Variants in ERI3 observed in about 807,000 individuals in gnomAD.
ERI3 encodes the protein ERI1 exoribonuclease family member 3, also known as ERI1 exoribonuclease 3.
Under a neutral mutation model 44.4 loss-of-function variants are expected in ERI3, and 18 were observed. The observed-to-expected ratio is 0.41, with a 90% CI of 0.28 to 0.60. The LOEUF (loss-of-function observed/expected upper bound fraction) is 0.60. Among genes scored for constraint, ERI3 ranks in the 20% least tolerant of loss-of-function variants. The pLI is 0.36. For synonymous variants in ERI3, 183 were observed against 164.8 expected (o/e 1.11, Z -0.84); for missense variants, 294 against 435.5 (o/e 0.68, Z 2.89).
At chr1:44,298,766 A>AAACT (rs1645663023) in intron 6 of ERI3, among the ~76,000 whole-genome samples, 2 of 152,134 alleles carry the variant, frequency 1.3e-5, no homozygotes, top group Non-Finnish European at 2.9e-5. Flanking sequence ...AAAAATACAA[A>AAACT]AACTAGCTGG....
chr1:44,228,015 C>T lies in ERI3; in HGVS notation c.932-6375G>A, dbSNP rs1321169794. 6.6e-6 allele frequency among the ~76,000 whole-genome samples: 1 copy of T among 152,060 alleles called. No homozygotes were observed. The highest frequency in any genetic ancestry group is 1.5e-5 in the Non-Finnish European group (1 of 68,012). On this transcript the variant is annotated intron_variant, in intron 8 of 8. Coordinates refer to ENST00000372257, the MANE Select transcript of ERI3 (RefSeq NM_024066.3). The surrounding 1 kb of genome is among the most constrained non-coding windows in gnomAD (Gnocchi z 4.3). Reference sequence around the variant, plus strand: ...ACATCTAAAAATAATGTTATTCCAACAATAAATTCCTGATATCCCCACCCC... The same window carrying T: ...ACATCTAAAAATAATGTTATTCCAATAATAAATTCCTGATATCCCCACCCC...
chr1:44,347,043 CAT>C (rs1646799102), intron 2 of ERI3, among the ~76,000 whole-genome samples: 1 of 152,128 alleles, frequency 6.6e-6, no homozygotes, highest in South Asian at 2.1e-4. Context: ...GCATATCACA[CAT>C]GAGGAAACTA....
chr1:44,248,083 G>A (rs1008015338), intron 7 of ERI3, 45 bp from the exon 8 acceptor site: 10 of 1,409,778 alleles, frequency 7.1e-6, no homozygotes, highest in Non-Finnish European at 9.9e-6. Context: ...CTGACCCTCT[G>A]AACCAACCCC....
chr1:44,264,458 A>G (rs1347103166), intron 7 of ERI3, among the ~76,000 whole-genome samples: 1 of 152,246 alleles, frequency 6.6e-6, no homozygotes, highest in African/African-American at 2.4e-5. Flanking sequence ...CTGAATTTTC[A>G]GGACAATTAC....
chr1:44,284,909 T>C lies in ERI3; in HGVS notation c.759-2A>G. On this transcript the variant is annotated splice_acceptor_variant, in intron 6 of 8. Transcript: ENST00000372257. LOFTEE classifies it high-confidence loss of function. ...AAGTACTGGCACTGGCCTGGGAGCC[T>C]ACAAAAAAAAGGGAAGAGAGAACAA... 6.2e-7 allele frequency: 1 copy of C among 1,612,682 alleles called. No homozygotes were observed. The highest frequency in any genetic ancestry group is 8.5e-7 in the Non-Finnish European group (1 of 1,179,428).
intron 8 of ERI3, among the ~76,000 whole-genome samples, chr1:44,226,703 G>A (rs1644047750): frequency 6.6e-6 from 1 of 151,246 alleles, no homozygotes; most frequent in Non-Finnish European, 1.5e-5. Flanking sequence ...ATATTCCTAT[G>A]GGACATCTAA....
intron 3 of ERI3, among the ~76,000 whole-genome samples, chr1:44,326,607 C>T (rs1405777825): frequency 6.6e-6 from 1 of 152,148 alleles, no homozygotes; most frequent in Non-Finnish European, 1.5e-5. Flanking sequence ...TCGATTTGTC[C>T]GGACTTGTTT....
intron 1 of ERI3, chr1:44,353,638 G>A (rs1266378334): frequency 1.1e-4 from 112 of 985,200 alleles, no homozygotes; most frequent in Non-Finnish European, 1.3e-4. Flanking sequence ...CCACCACAAA[G>A]AAAACACTTT....
At position 44,352,872 on chromosome 1, in the gene ERI3, A is replaced by G. The variant is rs1253194499; in HGVS notation, c.189T>C (p.Leu63=). The G allele has an allele frequency of 1.2e-6, 2 of 1,614,170 alleles. No homozygotes were observed. The highest frequency in any genetic ancestry group is 1.7e-6 in the Non-Finnish European group (2 of 1,180,018). Residue 63 remains leucine (L), a synonymous_variant, in exon 2 of 9, where the codon CTT becomes CTC. Transcript: ENST00000372257. The part of the protein sequence containing the change: ...TEPSASPAAG[L]GIFEVRRVLD... ...CACCTCTCCTTACTTCGAAGATGCC[A>G]AGACCGGCAGCTGGGGATGCTGAAG...
At chr1:44,350,223 A>T (rs566769438) in intron 2 of ERI3, among the ~76,000 whole-genome samples, 6 of 152,156 alleles carry the variant, frequency 3.9e-5, no homozygotes, top group African/African-American at 1.4e-4. Context: ...GGCTCCGTTT[A>T]TTCCATACTT....
Position 44,221,944 on chromosome 1 carries a change from G to A in ERI3, c.932-304C>T, listed in dbSNP as rs898797135. Among the ~76,000 whole-genome samples, 8 of 152,240 alleles carry A rather than the reference G, an allele frequency of 5.3e-5. No homozygotes were observed. The highest frequency in any genetic ancestry group is 1.9e-4 in the African/African-American group (8 of 41,462). On this transcript the variant is annotated intron_variant, in intron 8 of 8. Transcript: ENST00000372257. The surrounding 1 kb of genome is among the most constrained non-coding windows in gnomAD (Gnocchi z 5.9). ...GCCGTCGCAGTAAGAAAAAGGCAGA[G>A]TAAATGTGTAATTTCTCCCTTGACG...
At chr1:44,261,017 C>A (rs980134117) in intron 7 of ERI3, among the ~76,000 whole-genome samples, 1 of 152,194 alleles carries the variant, frequency 6.6e-6, no homozygotes, top group African/African-American at 2.4e-5. Context: ...CACTCCCTGA[C>A]CCCTGACATC....
intron 8 of ERI3, among the ~76,000 whole-genome samples, chr1:44,236,580 G>A (rs79689352): frequency 0.012 from 1,839 of 152,112 alleles, 70 homozygotes; most frequent in East Asian, 0.069. Context: ...TGGGGCTCTG[G>A]GGGAAAATAA....
At chr1:44,258,353 C>T (rs1306908150) in intron 7 of ERI3, among the ~76,000 whole-genome samples, 1 of 152,178 alleles carries the variant, frequency 6.6e-6, no homozygotes, top group Non-Finnish European at 1.5e-5. Flanking sequence ...CCACCACCAC[C>T]CACCCAGCCA....
At chr1:44,303,642 C>T (rs1054875981) in intron 6 of ERI3, among the ~76,000 whole-genome samples, 3 of 152,040 alleles carry the variant, frequency 2.0e-5, no homozygotes, top group African/African-American at 4.8e-5. Context: ...TAGGAACTGG[C>T]CAGCTCATGC....
chr1:44,241,468 T>C lies in ERI3; in HGVS notation c.931+6471A>G, dbSNP rs1449351147. Among the ~76,000 whole-genome samples, 1 of 152,094 alleles carries C rather than the reference T, an allele frequency of 6.6e-6. No homozygotes were observed. The highest frequency in any genetic ancestry group is 2.4e-5 in the African/African-American group (1 of 41,396). On this transcript the variant is annotated intron_variant, in intron 8 of 8. Transcript: ENST00000372257. The surrounding 1 kb of genome is among the most constrained non-coding windows in gnomAD (Gnocchi z 5.6). Reference sequence around the variant, plus strand: ...ATGCACACACATGCACACACTTCACTGACTCTTGCTCTAACACTCCCACCC... The same window carrying C: ...ATGCACACACATGCACACACTTCACCGACTCTTGCTCTAACACTCCCACCC...
At chr1:44,351,303 G>A (rs1344653432) in intron 2 of ERI3, among the ~76,000 whole-genome samples, 1 of 152,056 alleles carries the variant, frequency 6.6e-6, no homozygotes, top group Non-Finnish European at 1.5e-5. Flanking sequence ...CAAAGTGCTG[G>A]GATTACAGGC....
chr1:44,290,578 T>A (rs947504436), intron 6 of ERI3, among the ~76,000 whole-genome samples: 1 of 152,152 alleles, frequency 6.6e-6, no homozygotes, highest in Non-Finnish European at 1.5e-5. Flanking sequence ...GGGAGCCCTA[T>A]CTAGTCAGAG....
intron 7 of ERI3, among the ~76,000 whole-genome samples, chr1:44,264,553 C>T (rs11805748): frequency 5.3e-5 from 8 of 152,232 alleles, no homozygotes; most frequent in Non-Finnish European, 1.0e-4. Context: ...CTGGACGGCG[C>T]GTGCATAGGC....
Sources: allele counts gnomAD v4.1 joint callset (sites outside exome capture counted in the v4.1 genomes callset), GRCh38; gene constraint gnomAD v4.1.1; non-coding constraint Gnocchi (gnomAD v3.1); transcripts MANE v1.5; gene names NCBI Gene and HGNC (gene_info 2026-07-23, HGNC 2026-07-21).